The following SRP54 variants were observed in gnomAD, a reference collection of about 807,000 sequenced individuals.
The protein encoded by SRP54 is signal recognition particle 54, also known as signal recognition particle subunit SRP54.
SRP54 carries 10 observed loss-of-function variants against 64.8 expected under a neutral mutation model. The observed-to-expected ratio is 0.15, with a 90% CI of 0.10 to 0.26. SRP54 has a LOEUF of 0.26. SRP54 is among the 10% of genes least tolerant of loss of function. The probability of loss-of-function intolerance (pLI) is 1.00; values close to 1 mark genes in which losing one functional copy is unlikely to be tolerated. For missense variants in SRP54, 325 were observed against 613.7 expected, an observed-to-expected ratio of 0.53 and a Z score of 4.97; for synonymous variants, 193 against 185.6, an observed-to-expected ratio of 1.04 and a Z score of -0.32.
chr14:35,018,580 T>C, intron 11 of SRP54, 112 bp from the exon 12 acceptor site: 1 of 800,674 alleles, frequency 1.2e-6, no homozygotes, highest in East Asian at 2.7e-5. Context: ...TTTATTGATG[T>C]ATATTTTATA....
chr14:35,009,591 A>T (rs916738104), intron 7 of SRP54, among the ~76,000 whole-genome samples: 1 of 152,118 alleles, frequency 6.6e-6, no homozygotes. Context: ...ACTTTTATGG[A>T]AGAGATTTGC....
At chr14:34,998,097 C>G (rs1279211656) in intron 2 of SRP54, among the ~76,000 whole-genome samples, 1 of 151,662 alleles carries the variant, frequency 6.6e-6, no homozygotes, top group Non-Finnish European at 1.5e-5. Flanking sequence ...TTTAGCAGAC[C>G]CGTTTAATGA....
chr14:34,990,683 C>T (rs1173751807), intron 1 of SRP54, among the ~76,000 whole-genome samples: 47 of 152,128 alleles, frequency 3.1e-4, no homozygotes, highest in Non-Finnish European at 5.9e-5. Context: ...TTAGGCTTAG[C>T]TATTAACATA....
intron 10 of SRP54, among the ~76,000 whole-genome samples, chr14:35,014,290 T>TTTTTTTTTTTTTTTTTGTTTTTTTG (rs376712278): frequency 3.1e-5 from 4 of 127,284 alleles, no homozygotes; most frequent in African/African-American, 1.2e-4. Flanking sequence ...TTTTTTTTTT[T>TTTTTTTTTTTTTTTTTGTTTTTTTG]TTTTGAGACG....
chr14:35,014,530 T>C (rs2044407957), intron 10 of SRP54, among the ~76,000 whole-genome samples: 2 of 152,156 alleles, frequency 1.3e-5, no homozygotes, highest in Admixed American at 1.3e-4. Context: ...TCCACCCACC[T>C]TGGCCTCCCA....
In SRP54 at chr14:35,015,070, G is replaced by A. The variant is rs886434829; in HGVS notation, c.973+240G>A. On this transcript the variant is annotated intron_variant, in intron 11 of 15. Coordinates refer to ENST00000216774, the MANE Select transcript of SRP54 (RefSeq NM_003136.4). Reference sequence around the variant, plus strand: ...AAGATTAAAATAAGGCTTTCACTAGGTTCCTTGAAGTTTTTCTGTTTTTTA... The same window carrying A: ...AAGATTAAAATAAGGCTTTCACTAGATTCCTTGAAGTTTTTCTGTTTTTTA... Among the ~76,000 whole-genome samples the A allele has an allele frequency of 2.0e-5, 3 of 151,908 alleles. No individual in the cohort carries two copies. In the East Asian group the frequency reaches 5.8e-4, roughly 29 times the overall value.
intron 1 of SRP54, among the ~76,000 whole-genome samples, chr14:34,990,086 T>G (rs940940434): frequency 6.6e-6 from 1 of 152,168 alleles, no homozygotes; most frequent in Non-Finnish European, 1.5e-5. Flanking sequence ...ATTGCCTTAC[T>G]TAGGGCACCC....
In SRP54 at chr14:35,022,941, T is replaced by C. The variant is rs2044558488; in HGVS notation, c.1188T>C (p.Phe396=). The C allele has an allele frequency of 1.2e-6, 2 of 1,613,882 alleles. No individual in the cohort carries two copies. The highest frequency in any genetic ancestry group is 1.3e-5 in the African/African-American group (1 of 75,026). The change falls in exon 14 of 16, where the codon TTT becomes TTC. Residue 396 remains phenylalanine, a synonymous_variant. Transcript: ENST00000216774. ...ACAGTACGGATGGTGCCAAAGTTTT[T>C]AGTAAACAACCAGGAAGAATCCAAA... is the stretch of plus-strand genomic sequence containing the variant. The part of the protein sequence containing the change: ...ELDSTDGAKV[F]SKQPGRIQRV...
chr14:34,999,032 T>TG (rs1555353539), intron 2 of SRP54, among the ~76,000 whole-genome samples: 1,956 of 93,496 alleles, frequency 0.021, 341 homozygotes, highest in East Asian at 0.032. Context: ...TTTTTTTTTT[T>TG]GAGACAAAGT....
At chr14:34,998,235 C>T (rs1048081189) in intron 2 of SRP54, among the ~76,000 whole-genome samples, 9 of 152,086 alleles carry the variant, frequency 5.9e-5, no homozygotes, top group South Asian at 2.1e-4. Flanking sequence ...AGAGATACAG[C>T]GGTGAACAAA....
At chr14:35,026,326 C>T (rs2044623459) in intron 14 of SRP54, among the ~76,000 whole-genome samples, 2 of 152,040 alleles carry the variant, frequency 1.3e-5, no homozygotes, top group Non-Finnish European at 2.9e-5. Context: ...CTCCCAAGCT[C>T]AAGCGATCCT....
intron 2 of SRP54, among the ~76,000 whole-genome samples, chr14:34,999,001 GT>G (rs2044124093): frequency 4.1e-5 from 4 of 96,994 alleles, no homozygotes; most frequent in African/African-American, 1.4e-4. Flanking sequence ...GTGTGTGTGT[GT>G]GTGTGTGTGT....
At chr14:35,021,377 C>T (rs2044526932) in intron 13 of SRP54, among the ~76,000 whole-genome samples, 1 of 152,104 alleles carries the variant, frequency 6.6e-6, no homozygotes, top group African/African-American at 2.4e-5. Context: ...CAACTGTAAT[C>T]CCAGCATTTT....
intron 2 of SRP54, 116 bp from the exon 3 acceptor site, chr14:34,999,442 A>C: frequency 1.5e-6 from 1 of 650,372 alleles, no homozygotes; most frequent in East Asian, 2.6e-5. Context: ...ACTAACTGAA[A>C]AACCCAGTAG....
Position 35,011,498 on chromosome 14 carries a change from A to G in SRP54, c.486-11A>G, listed in dbSNP as rs1174447851. ...TGTCGTTTTGTTAAATCATTTGTCC[A>G]TGTTATATAGCTATACAGAAATGGA... On this transcript the variant is annotated splice_polypyrimidine_tract_variant and intron_variant, in intron 7 of 15. Coordinates refer to ENST00000216774, the MANE Select transcript of SRP54 (RefSeq NM_003136.4). The G allele has an allele frequency of 6.3e-6, 9 of 1,439,504 alleles. No individual in the cohort carries two copies. Among genetic ancestry groups the G allele is most frequent in the Non-Finnish European group, 8.3e-6 (9 of 1,081,942 alleles). 89.2% of individuals were successfully genotyped at this position (1,439,504 alleles called of 1,614,324 possible).
chr14:35,011,292 A>G (rs1369892653), intron 7 of SRP54, among the ~76,000 whole-genome samples: 1 of 152,254 alleles, frequency 6.6e-6, no homozygotes, highest in East Asian at 1.9e-4. Context: ...GACATGCAGT[A>G]GAATCATACT....
At chr14:35,006,174 C>CCCTA (rs1319047112) in intron 4 of SRP54, among the ~76,000 whole-genome samples, 3 of 152,218 alleles carry the variant, frequency 2.0e-5, no homozygotes, top group African/African-American at 7.2e-5. Flanking sequence ...TGGAGACTGT[C>CCCTA]CCTATATGAA....
intron 3 of SRP54, among the ~76,000 whole-genome samples, chr14:35,000,472 C>T (rs1424281666): frequency 6.6e-6 from 1 of 151,108 alleles, no homozygotes; most frequent in African/African-American, 2.4e-5. Flanking sequence ...GAGGCTGAGG[C>T]AGGAGAATTG....
In SRP54 at chr14:35,018,750, C is replaced by G; in HGVS notation, c.1032C>G (p.Pro344=). ...TTCAAAATATCATGAAAATGGGCCCCTTCAGTCAGATCTTGGTTAGTTATC... is the reference window on the plus strand; with the variant it reads ...TTCAAAATATCATGAAAATGGGCCCGTTCAGTCAGATCTTGGTTAGTTATC... ...EQFQNIMKMG[P]FSQILGMIPG... Residue 344 remains proline (P), a synonymous_variant, in exon 12 of 16, where the codon CCC becomes CCG. Transcript: ENST00000216774. The G allele has an allele frequency of 6.2e-7, 1 of 1,613,410 alleles. No homozygotes were observed. The highest frequency in any genetic ancestry group is 8.5e-7 in the Non-Finnish European group (1 of 1,179,750).
Sources: allele counts gnomAD v4.1 joint callset (sites outside exome capture counted in the v4.1 genomes callset), GRCh38; gene constraint gnomAD v4.1.1; transcripts MANE v1.5; gene names NCBI Gene and HGNC (gene_info 2026-07-23, HGNC 2026-07-21).